DHX37: variants seen among roughly 807,000 people sequenced by gnomAD.
The protein encoded by DHX37 is probable ATP-dependent RNA helicase DHX37.
A neutral mutation model predicts 134.3 loss-of-function variants in DHX37; 52 were observed. The observed-to-expected ratio is 0.39, with a 90% CI of 0.31 to 0.49. The LOEUF (loss-of-function observed/expected upper bound fraction) is 0.49, where lower values mean the gene tolerates loss of function less well. Ranked by LOEUF, DHX37 falls within the 20% of genes least tolerant of loss-of-function variation. DHX37 has a pLI of 0.93. For synonymous variants in DHX37, 634 were observed against 670.7 expected (o/e 0.95, Z 0.85); for missense variants, 1,344 against 1,580.8 (o/e 0.85, Z 2.54).
intron 11 of DHX37, 95 bp downstream of exon 11, chr12:124,967,028 G>A (rs1356523728): frequency 9.8e-6 from 15 of 1,535,900 alleles, no homozygotes; most frequent in East Asian, 2.3e-5. Context: ...TGCTTCCAGA[G>A]AGAAGCTCAG....
At chr12:124,986,757 T>A (rs1387108060) in intron 1 of DHX37, among the ~76,000 whole-genome samples, 1 of 151,908 alleles carries the variant, frequency 6.6e-6, no homozygotes, top group Non-Finnish European at 1.5e-5. Context: ...TCTCTTTTTG[T>A]TTTTTTGAGA....
At chr12:124,970,666 G>A (rs1566343138) in intron 8 of DHX37, among the ~76,000 whole-genome samples, 2 of 152,204 alleles carry the variant, frequency 1.3e-5, no homozygotes, top group African/African-American at 4.8e-5. Flanking sequence ...TGCCACCCTT[G>A]CTGAAGTGGA....
At position 124,980,734 on chromosome 12, in the gene DHX37, T is replaced by G; in HGVS notation, c.494A>C (p.Glu165Ala). 1 of 1,556,066 alleles carries G rather than the reference T, an allele frequency of 6.4e-7. No homozygotes were observed. The highest frequency in any genetic ancestry group is 8.7e-7 in the Non-Finnish European group (1 of 1,152,304). ...CAGCTCCGATTCCGACTCCTCCTCC[T>G]CCTCCTCCTCCTCCTCAGCTGAGGG... ...RWPSAEEEEE[E>A]EEESESELEE... Residue 165 changes from glutamate (E) to alanine (A), a missense_variant, in exon 4 of 27, where the codon GAG (glutamate) becomes GCG (alanine). This residue lies in a region of DHX37 where 319 missense variants were observed against 296.1 expected (regional missense o/e 1.08). Transcript: ENST00000308736. This position sits in a 1 kb window ranked among gnomAD's most constrained non-coding sequence, Gnocchi z 5.3.
intron 2 of DHX37, among the ~76,000 whole-genome samples, chr12:124,985,730 C>T (rs58009632): frequency 8.0e-6 from 1 of 124,926 alleles, no homozygotes; most frequent in Non-Finnish European, 1.6e-5. Context: ...AAGACTCCAT[C>T]TCAAAAAAAA....
intron 4 of DHX37, among the ~76,000 whole-genome samples, chr12:124,978,019 G>A (rs2135963587): frequency 6.6e-6 from 1 of 152,332 alleles, no homozygotes; most frequent in Middle Eastern, 3.4e-3. Context: ...TGTATGCAAT[G>A]GCGCGATCTC....
chr12:124,952,547 C>G lies in DHX37; in HGVS notation c.2719G>C (p.Glu907Gln). 6.3e-7 allele frequency: 1 copy of G among 1,596,934 alleles called. No individual in the cohort carries two copies. Among genetic ancestry groups the G allele is most frequent in the Non-Finnish European group, 8.6e-7 (1 of 1,168,230 alleles). The change falls in exon 21 of 27, where the codon GAG becomes CAG. Residue 907 changes from glutamate (E) to glutamine (Q), a missense_variant. This residue lies in a region of DHX37 where 558 missense variants were observed against 650.0 expected (regional missense o/e 0.86). Transcript: ENST00000308736. ...TAVNAVCPEA[E>Q]LFVDPKMQPP... Reference sequence around the variant, plus strand: ...TGCATCTTGGGATCCACGAAGAGCTCAGCCTCGGGGCACACGGCATTGACT... The same window carrying G: ...TGCATCTTGGGATCCACGAAGAGCTGAGCCTCGGGGCACACGGCATTGACT...
chr12:124,981,368 G>A (rs4765196), intron 3 of DHX37, among the ~76,000 whole-genome samples: 16 of 152,274 alleles, frequency 1.1e-4, no homozygotes, highest in Admixed American at 7.8e-4. Context: ...CTGGGTGGGA[G>A]GGGCACACAG....
intron 26 of DHX37, 42 bp from the exon 27 acceptor site, chr12:124,947,929 G>A (rs1020414688): frequency 6.8e-6 from 11 of 1,610,810 alleles, no homozygotes; most frequent in Middle Eastern, 1.6e-4. Context: ...GTGACCCTGG[G>A]CCCAGGGACT....
chr12:124,965,091 A>G (rs1480764770), intron 13 of DHX37, 85 bp from the exon 14 acceptor site: 1 of 1,431,458 alleles, frequency 7.0e-7, no homozygotes, highest in Non-Finnish European at 9.5e-7. Flanking sequence ...CTGCACCCCC[A>G]GGCTGCTCCA....
intron 8 of DHX37, among the ~76,000 whole-genome samples, 185 bp downstream of exon 8, chr12:124,971,117 G>A (rs1487626597): frequency 6.6e-6 from 1 of 152,238 alleles, no homozygotes; most frequent in African/African-American, 2.4e-5. Context: ...CACAGGGGCT[G>A]TTCCAAGATT....
intron 8 of DHX37, among the ~76,000 whole-genome samples, chr12:124,970,846 A>G (rs1428640485): frequency 3.2e-5 from 4 of 126,944 alleles, no homozygotes; most frequent in Admixed American, 1.6e-4. Flanking sequence ...GGTGGCACCC[A>G]CCAACTCAGC....
At chr12:124,978,727 C>T (rs1262426011) in intron 4 of DHX37, among the ~76,000 whole-genome samples, 1 of 151,300 alleles carries the variant, frequency 6.6e-6, no homozygotes, top group Non-Finnish European at 1.5e-5. Flanking sequence ...GAATTCAAGA[C>T]CAGCCTGGGC....
In DHX37 at chr12:124,960,210, G is replaced by A. The variant is rs1419709624; in HGVS notation, c.2157+102C>T. On this transcript the variant is annotated intron_variant, in intron 16 of 26. Transcript: ENST00000308736. Reference sequence around the variant, plus strand: ...ATGCACTGTTGTGTAAGCAGCTGCCGCAGGCCAGGCACCAGCAGACCCAGC... The same window carrying A: ...ATGCACTGTTGTGTAAGCAGCTGCCACAGGCCAGGCACCAGCAGACCCAGC... 31 of 1,511,526 alleles carry A rather than the reference G, an allele frequency of 2.1e-5. No homozygotes were observed. The East Asian group carries it at 2.1e-4, about 10-fold the overall frequency. The allele number at this position is 1,511,526 out of a possible 1,614,324, so 93.6% of individuals were successfully genotyped here. A position where few individuals can be genotyped will look rare whatever the true frequency, so the allele number is the denominator to read the frequency against.
At chr12:124,951,458 T>G (rs979386659) in intron 21 of DHX37, among the ~76,000 whole-genome samples, 2 of 151,982 alleles carry the variant, frequency 1.3e-5, no homozygotes, top group Admixed American at 6.6e-5. Context: ...AAAACGGGGG[T>G]GACGGGGAAC....
At position 124,980,952 on chromosome 12, in the gene DHX37, C is replaced by T; in HGVS notation, c.390-114G>A. The T allele has an allele frequency of 2.6e-6, 3 of 1,156,622 alleles. No homozygotes were observed. The highest frequency in any genetic ancestry group is 3.6e-6 in the Non-Finnish European group (3 of 835,436). The allele number at this position is 1,156,622 out of a possible 1,614,324, so 71.6% of individuals were successfully genotyped here. A position where few individuals can be genotyped will look rare whatever the true frequency, so the allele number is the denominator to read the frequency against. ...GGACTTTGCACCTGCTGTTCCACTC[C>T]CTGAAATGCCCTTCCTGCAGATACC... On this transcript the variant is annotated intron_variant, in intron 3 of 26. Transcript: ENST00000308736. This position sits in a 1 kb window ranked among gnomAD's most constrained non-coding sequence, Gnocchi z 5.3.
Position 124,952,571 on chromosome 12 carries a change from C to G in DHX37, c.2696-1G>C, listed in dbSNP as rs1347415062. On this transcript the variant is annotated splice_acceptor_variant, in intron 20 of 26. Transcript: ENST00000308736. LOFTEE classifies it high-confidence loss of function. ...TCAGCCTCGGGGCACACGGCATTGA[C>G]TGAGGGGAGAACCAAGAGTGAGGTC... 2.5e-6 allele frequency: 4 copies of G among 1,577,796 alleles called. No homozygotes were observed. The highest frequency in any genetic ancestry group is 3.5e-6 in the Non-Finnish European group (4 of 1,157,108).
chr12:124,977,254 T>C, intron 5 of DHX37, 88 bp downstream of exon 5: 1 of 1,428,906 alleles, frequency 7.0e-7, no homozygotes, highest in East Asian at 2.5e-5. Flanking sequence ...CAGGATTGGA[T>C]CCTGGGGAGC....
intron 20 of DHX37, chr12:124,953,121 G>T (rs1287121400): frequency 6.6e-6 from 1 of 152,402 alleles, no homozygotes; most frequent in Non-Finnish European, 1.5e-5. Context: ...CAACAATAAA[G>T]GTCTAATGTC....
At chr12:124,950,286 G>A (rs1364341027) in intron 23 of DHX37, 43 bp from the exon 24 acceptor site, 4 of 1,610,104 alleles carry the variant, frequency 2.5e-6, no homozygotes, top group Non-Finnish European at 3.4e-6. Context: ...TCCTGCAGCT[G>A]CCCTCCCGAG....
Sources: allele counts gnomAD v4.1 joint callset (sites outside exome capture counted in the v4.1 genomes callset), GRCh38; gene constraint gnomAD v4.1.1; regional missense constraint gnomAD v4.1.1; non-coding constraint Gnocchi (gnomAD v3.1); transcripts MANE v1.5; gene names NCBI Gene and HGNC (gene_info 2026-07-23, HGNC 2026-07-21).